Variants in PDE1C observed in about 807,000 individuals in gnomAD.
The protein encoded by PDE1C is phosphodiesterase 1C, also known as dual specificity calcium/calmodulin-dependent 3',5'-cyclic nucleotide phosphodiesterase 1C.
PDE1C carries 62 observed loss-of-function variants against 93.1 expected under a neutral mutation model. The ratio of observed to expected loss-of-function variants is 0.67; its 90% CI spans 0.54 to 0.82. PDE1C has a LOEUF of 0.82. PDE1C is among the 40% of genes least tolerant of loss of function. The pLI is 0.00. For synonymous variants in PDE1C, 325 were observed against 310.1 expected, an observed-to-expected ratio of 1.05 and a Z score of -0.50; for missense variants, 742 against 884.6, an observed-to-expected ratio of 0.84 and a Z score of 2.04.
intron 3 of PDE1C, among the ~76,000 whole-genome samples, chr7:32,141,991 T>C (rs1800561261): frequency 6.6e-6 from 1 of 152,182 alleles, no homozygotes; most frequent in Non-Finnish European, 1.5e-5. Flanking sequence ...CTGGCCTTTT[T>C]TTAGTTTGTC....
At chr7:32,350,078 T>C (rs1302222909) in intron 1 of PDE1C, among the ~76,000 whole-genome samples, 3 of 147,110 alleles carry the variant, frequency 2.0e-5, no homozygotes, top group African/African-American at 7.3e-5. Context: ...TGTCTTGCTG[T>C]TGTTGTTGTT....
the PDE1C span, among the ~76,000 whole-genome samples, chr7:31,619,273 C>A: frequency 1.3e-5 from 2 of 150,476 alleles, no homozygotes; most frequent in Non-Finnish European, 2.9e-5. Flanking sequence ...TGGGTAAACT[C>A]TCATAATTTA....
chr7:31,901,837 G>A (rs1049022117), intron 2 of PDE1C, among the ~76,000 whole-genome samples: 2 of 151,586 alleles, frequency 1.3e-5, no homozygotes, highest in Non-Finnish European at 1.5e-5. Context: ...ACTTATATAT[G>A]ATAAATTTAT....
At chr7:31,957,794 A>C (rs746524416) in intron 2 of PDE1C, among the ~76,000 whole-genome samples, 2 of 152,174 alleles carry the variant, frequency 1.3e-5, no homozygotes, top group African/African-American at 4.8e-5. Context: ...GAGGGTGTTA[A>C]AAGACAAGCA....
the PDE1C span, among the ~76,000 whole-genome samples, chr7:31,717,188 TA>T: frequency 1.3e-5 from 2 of 152,370 alleles, no homozygotes; most frequent in Non-Finnish European, 2.9e-5. Flanking sequence ...TCAATGCCTC[TA>T]AAATTTTAAA....
chr7:31,821,253 C>A (rs1043859324), intron 14 of PDE1C, among the ~76,000 whole-genome samples: 4 of 152,154 alleles, frequency 2.6e-5, no homozygotes, highest in Admixed American at 2.0e-4. Flanking sequence ...CAAAATAGTT[C>A]AAACACACAG....
At chr7:32,313,820 G>A (rs1401559322) in intron 1 of PDE1C, among the ~76,000 whole-genome samples, 1 of 150,578 alleles carries the variant, frequency 6.6e-6, no homozygotes, top group Admixed American at 6.7e-5. Flanking sequence ...TGAGTTAATG[G>A]GTGCAGCACA....
chr7:31,699,757 T>A, the PDE1C span, among the ~76,000 whole-genome samples: 11 of 152,314 alleles, frequency 7.2e-5, no homozygotes, highest in Non-Finnish European at 1.5e-4. Flanking sequence ...GTGTTGCATT[T>A]TAGTAGTTCT....
intron 3 of PDE1C, among the ~76,000 whole-genome samples, chr7:32,157,714 CATG>C (rs951867915): frequency 2.6e-5 from 4 of 152,000 alleles, no homozygotes; most frequent in African/African-American, 7.3e-5. Context: ...GCTGAAAGGT[CATG>C]ATGTCTACAA....
intron 1 of PDE1C, among the ~76,000 whole-genome samples, chr7:32,352,049 C>T (rs1446784360): frequency 1.1e-4 from 1 of 8,834 alleles, no homozygotes; most frequent in East Asian, 1.5e-3. Flanking sequence ...CAGCTTTGTT[C>T]TTTTGGCTTA....
chr7:31,920,277 C>T (rs752809554), intron 2 of PDE1C, among the ~76,000 whole-genome samples: 6 of 152,156 alleles, frequency 3.9e-5, no homozygotes, highest in African/African-American at 1.4e-4. Flanking sequence ...ACAGATATCT[C>T]CAGGATGCTC....
chr7:31,668,289 T>C, the PDE1C span, among the ~76,000 whole-genome samples: 1 of 152,110 alleles, frequency 6.6e-6, no homozygotes, highest in African/African-American at 2.4e-5. Context: ...ATGCTAAGCA[T>C]AGAGTTGCCA....
At chr7:31,683,425 A>AT in the PDE1C span, among the ~76,000 whole-genome samples, 113,833 of 151,754 alleles carry the variant, frequency 0.75, 43,272 homozygotes, top group East Asian at 0.82. Flanking sequence ...AATATTTTCT[A>AT]TTTTTTTTCA....
intron 1 of PDE1C, among the ~76,000 whole-genome samples, chr7:32,211,957 T>C (rs1443668686): frequency 7.5e-5 from 11 of 145,834 alleles, no homozygotes; most frequent in East Asian, 6.0e-4. Context: ...GCCCAGGAGG[T>C]TGAGGCTGCA....
intron 1 of PDE1C, among the ~76,000 whole-genome samples, chr7:32,292,114 A>G (rs1337036637): frequency 1.3e-5 from 2 of 152,190 alleles, no homozygotes; most frequent in Non-Finnish European, 2.9e-5. Flanking sequence ...GCTAGAAGCT[A>G]CAGTTTCATT....
In PDE1C at chr7:32,212,487, T is replaced by C. The variant is rs1234042035; in HGVS notation, c.86-2948A>G. Among the ~76,000 whole-genome samples the C allele has an allele frequency of 2.0e-5, 3 of 152,166 alleles. No individual in the cohort carries two copies. The East Asian group carries it at 5.8e-4, about 29-fold the overall frequency. ...CATACCCAATGCCACACTCCACTAC[T>C]AGAGGGTCTCCCGTGATGCTGTAGC... On this transcript the variant is annotated intron_variant, in intron 1 of 18. Transcript: ENST00000396193.
intron 2 of PDE1C, among the ~76,000 whole-genome samples, chr7:31,909,522 C>T (rs544449693): frequency 2.0e-5 from 3 of 151,980 alleles, no homozygotes; most frequent in Non-Finnish European, 4.4e-5. Flanking sequence ...TTTAATTCCT[C>T]CAAACTCTAT....
the PDE1C span, among the ~76,000 whole-genome samples, chr7:31,661,573 C>T: frequency 6.6e-6 from 1 of 152,052 alleles, no homozygotes; most frequent in African/African-American, 2.4e-5. Context: ...ATTAGCCAGG[C>T]ATGGTGGCAC....
chr7:32,157,058 G>C lies in PDE1C; in HGVS notation c.308+12727C>G, dbSNP rs114237078. Among the ~76,000 whole-genome samples the C allele has an allele frequency of 5.8e-3, 887 of 152,308 alleles. 5 individuals are homozygous for C. Among genetic ancestry groups the C allele is most frequent in the African/African-American group, 0.02 (840 of 41,572 alleles). On this transcript the variant is annotated intron_variant, in intron 3 of 18. Coordinates refer to the PDE1C transcript ENST00000396193. ...AAATGGATGACCTGAGGACTCTAGA[G>C]GCAACGATCAGAAAAACCAAATTGA...
Sources: gnomAD v4.1 joint callset for allele counts (sites outside exome capture counted in the v4.1 genomes callset) on GRCh38, gnomAD v4.1.1 for gene constraint, MANE v1.5 for transcripts, NCBI Gene and HGNC (gene_info 2026-07-23, HGNC 2026-07-21) for gene names.